SLC35D4: variants seen among roughly 807,000 people sequenced by gnomAD.
SLC35D4 encodes UDP-N-acetylglucosamine transporter SLC35D4.
chr18:23,362,632 C>CA, the SLC35D4 span, among the ~76,000 whole-genome samples: 12 of 152,002 alleles, frequency 7.9e-5, no homozygotes, highest in Admixed American at 3.9e-4. Flanking sequence ...AAAAAACAAA[C>CA]AAAGAAAGGC....
chr18:23,370,134 G>GCGCCATTGCACTCCAGATCA, the SLC35D4 span: 3 of 1,242,310 alleles, frequency 2.4e-6, no homozygotes, highest in Admixed American at 4.8e-5. Flanking sequence ...AGCTGAGACC[G>GCGCCATTGCACTCCAGATCA]CGCCATTGCA....
At chr18:23,358,550 C>A in the SLC35D4 span, among the ~76,000 whole-genome samples, 1 of 152,140 alleles carries the variant, frequency 6.6e-6, no homozygotes, top group African/African-American at 2.4e-5. Context: ...CTAGCCCTTA[C>A]CTTTGAGCCA....
chr18:23,414,295 GAGGAAGGA>G, the SLC35D4 span, among the ~76,000 whole-genome samples: 41 of 124,128 alleles, frequency 3.3e-4, no homozygotes, highest in African/African-American at 8.9e-4. Flanking sequence ...AAAAGGAAAG[GAGGAAGGA>G]AGGAAGGAAG....
the SLC35D4 span, chr18:23,257,496 G>A: frequency 9.2e-7 from 1 of 1,085,696 alleles, no homozygotes; most frequent in African/African-American, 1.6e-5. Flanking sequence ...ATAGTTTGGG[G>A]AGAAGCAGTA....
the SLC35D4 span, chr18:23,352,085 G>T: frequency 2.5e-6 from 2 of 803,730 alleles, no homozygotes; most frequent in Non-Finnish European, 3.9e-6. Context: ...CTCAGGGACA[G>T]CGCCTAGAAG....
the SLC35D4 span, among the ~76,000 whole-genome samples, chr18:23,250,737 T>C: frequency 6.6e-6 from 1 of 152,174 alleles, no homozygotes; most frequent in Non-Finnish European, 1.5e-5. Context: ...TCAGGAGACC[T>C]TCCTGATTGG....
the SLC35D4 span, among the ~76,000 whole-genome samples, chr18:23,419,256 G>C: frequency 6.6e-6 from 1 of 151,936 alleles, no homozygotes; most frequent in Non-Finnish European, 1.5e-5. Flanking sequence ...TATAGTTTTG[G>C]CTAGATAATG....
chr18:23,262,914 G>C, the SLC35D4 span, among the ~76,000 whole-genome samples: 1 of 152,236 alleles, frequency 6.6e-6, no homozygotes, highest in Non-Finnish European at 1.5e-5. Context: ...GAACAGGCTA[G>C]TGAGAAACCA....
chr18:23,255,321 A>G, the SLC35D4 span, among the ~76,000 whole-genome samples: 2 of 83,712 alleles, frequency 2.4e-5, no homozygotes, highest in East Asian at 3.2e-4. Context: ...CAGTGCCCCC[A>G]TATGTCTCAC....
the SLC35D4 span, chr18:23,421,392 A>G: frequency 6.2e-7 from 1 of 1,613,998 alleles, no homozygotes; most frequent in Non-Finnish European, 8.5e-7. Flanking sequence ...ATCTCTACCC[A>G]GCCCAGTTTC....
the SLC35D4 span, among the ~76,000 whole-genome samples, chr18:23,397,471 A>G: frequency 6.6e-6 from 1 of 152,332 alleles, no homozygotes; most frequent in African/African-American, 2.4e-5. Context: ...GGATGTGAAA[A>G]GAAACAAAGA....
chr18:23,300,096 G>A, the SLC35D4 span, among the ~76,000 whole-genome samples: 1 of 152,114 alleles, frequency 6.6e-6, no homozygotes, highest in African/African-American at 2.4e-5. Context: ...TTGTGAAGCT[G>A]GGAGCCTGCT....
the SLC35D4 span, among the ~76,000 whole-genome samples, chr18:23,404,316 G>A: frequency 2.6e-5 from 4 of 152,188 alleles, no homozygotes; most frequent in Admixed American, 1.3e-4. Context: ...CTAGGAGTTG[G>A]TGTCTTGTGG....
chr18:23,252,524 A>G, the SLC35D4 span, among the ~76,000 whole-genome samples: 939 of 152,336 alleles, frequency 6.2e-3, 9 homozygotes, highest in African/African-American at 0.021. Flanking sequence ...TTTTGTTTAC[A>G]GACATGGGAC....
At chr18:23,430,416 T>C in the SLC35D4 span, among the ~76,000 whole-genome samples, 1 of 152,108 alleles carries the variant, frequency 6.6e-6, no homozygotes, top group African/African-American at 2.4e-5. Context: ...AAAGAAATAG[T>C]TGGAGATCTG....
At chr18:23,427,611 C>G in the SLC35D4 span, among the ~76,000 whole-genome samples, 1 of 152,118 alleles carries the variant, frequency 6.6e-6, no homozygotes, top group African/African-American at 2.4e-5. Context: ...GACAGTGTGG[C>G]GACTCCTCAA....
the SLC35D4 span, among the ~76,000 whole-genome samples, chr18:23,241,712 G>A: frequency 2.6e-5 from 4 of 152,146 alleles, no homozygotes; most frequent in South Asian, 8.3e-4. Context: ...GAGTCCTGGT[G>A]TAGGTGATAT....
the SLC35D4 span, among the ~76,000 whole-genome samples, chr18:23,431,153 C>CAAAAAAAAAAAAAAAAAAAAAAAAATAA: frequency 9.1e-5 from 6 of 66,242 alleles, no homozygotes; most frequent in Non-Finnish European, 1.3e-4. Flanking sequence ...GAGTATATCT[C>CAAAAAAAAAAAAAAAAAAAAAAAAATAA]AAAAAAAAAA....
the SLC35D4 span, among the ~76,000 whole-genome samples, chr18:23,426,533 GA>G: frequency 5.5e-4 from 83 of 152,120 alleles, no homozygotes; most frequent in Non-Finnish European, 2.2e-4. Context: ...CAAACAAATG[GA>G]AGAATATTCC....
Sources: allele counts gnomAD v4.1 joint callset (sites outside exome capture counted in the v4.1 genomes callset), GRCh38; gene constraint gnomAD v4.1.1; transcripts MANE v1.5; gene names NCBI Gene and HGNC (gene_info 2026-07-23, HGNC 2026-07-21).